CCNYL1: variants seen among roughly 807,000 people sequenced by gnomAD.
CCNYL1 encodes cyclin-Y-like protein 1.
Under a neutral mutation model 44.2 loss-of-function variants are expected in CCNYL1, and 16 were observed. That is an observed-to-expected ratio of 0.36 (90% confidence interval 0.25 to 0.55). The LOEUF (loss-of-function observed/expected upper bound fraction) is 0.55. Ranked by LOEUF, CCNYL1 falls within the 20% of genes least tolerant of loss-of-function variation. CCNYL1 has a pLI of 0.85. For missense variants in CCNYL1, 348 were observed against 451.8 expected, an observed-to-expected ratio of 0.77 and a Z score of 2.08; for synonymous variants, 159 against 163.2, an observed-to-expected ratio of 0.97 and a Z score of 0.20.
In CCNYL1 at chr2:207,729,280, A is replaced by AC. The variant is rs60765823; in HGVS notation, c.330+2411dup. ...CCCCCGCCCCCACCCCACCCCCCCC[A>AC]CCCCCCCGCACTCTCCCATTTTCTA... is the stretch of plus-strand genomic sequence containing the variant. On this transcript the variant is annotated intron_variant, in intron 3 of 9. Transcript: ENST00000295414. Among the ~76,000 whole-genome samples, 120 of 27,342 alleles carry AC rather than the reference A, an allele frequency of 4.4e-3. 5 individuals are homozygous for AC. The highest frequency in any genetic ancestry group is 0.013 in the East Asian group (4 of 304). The allele number at this position is 27,342 out of a possible 152,430, so 17.9% of individuals were successfully genotyped here. A position where few individuals can be genotyped will look rare whatever the true frequency, so the allele number is the denominator to read the frequency against.
intron 1 of CCNYL1, 106 bp downstream of exon 1, chr2:207,712,222 A>G (rs892214461): frequency 1.1e-5 from 10 of 923,200 alleles, no homozygotes; most frequent in Middle Eastern, 3.5e-4. Context: ...TCCTGCCGGT[A>G]GCCGGCCCCG....
chr2:207,741,444 A>G (rs146353634), intron 6 of CCNYL1, among the ~76,000 whole-genome samples: 2 of 152,342 alleles, frequency 1.3e-5, no homozygotes, highest in East Asian at 3.9e-4. Context: ...AATCACTATG[A>G]TATTTTAAGA....
chr2:207,721,647 G>A (rs1012786868), intron 1 of CCNYL1, among the ~76,000 whole-genome samples: 1 of 151,972 alleles, frequency 6.6e-6, no homozygotes, highest in Admixed American at 6.6e-5. Flanking sequence ...AAAACTGGTG[G>A]GTCTTAAAAT....
chr2:207,755,056 C>G lies in CCNYL1; in HGVS notation c.*1358C>G, dbSNP rs553692820. 1.3e-5 allele frequency: 2 copies of G among 151,798 alleles called. No homozygotes were observed. The highest frequency in any genetic ancestry group is 4.2e-4 in the South Asian group (2 of 4,778). The allele number at this position is 151,798 out of a possible 1,614,324, so 9.4% of individuals were successfully genotyped here. A position where few individuals can be genotyped will look rare whatever the true frequency, so the allele number is the denominator to read the frequency against. ...CAACCTGGACAACGTTATCAAGACCCCATCTCTTAGAAAAATGCAAAATTA... is the reference window on the plus strand; with the variant it reads ...CAACCTGGACAACGTTATCAAGACCGCATCTCTTAGAAAAATGCAAAATTA... On this transcript the variant is annotated 3_prime_UTR_variant, in exon 10 of 10. Coordinates refer to ENST00000295414, the MANE Select transcript of CCNYL1 (RefSeq NM_001330218.2).
chr2:207,718,762 A>G (rs938039287), intron 1 of CCNYL1, among the ~76,000 whole-genome samples: 4 of 152,208 alleles, frequency 2.6e-5, no homozygotes, highest in Non-Finnish European at 5.9e-5. Flanking sequence ...CTGAAGAGGA[A>G]TTTGGCATAA....
At chr2:207,712,577 C>G (rs2091559369) in intron 1 of CCNYL1, among the ~76,000 whole-genome samples, 1 of 152,080 alleles carries the variant, frequency 6.6e-6, no homozygotes, top group African/African-American at 2.4e-5. Flanking sequence ...TTCCTCCCAT[C>G]CGTGAAGATA....
intron 3 of CCNYL1, among the ~76,000 whole-genome samples, chr2:207,733,212 T>G (rs2091742614): frequency 6.6e-6 from 1 of 152,258 alleles, no homozygotes; most frequent in Non-Finnish European, 1.5e-5. Flanking sequence ...CCATGATGCC[T>G]GTCAAATAAC....
chr2:207,719,778 G>C (rs1192168449), intron 1 of CCNYL1, among the ~76,000 whole-genome samples: 1 of 152,008 alleles, frequency 6.6e-6, no homozygotes, highest in Non-Finnish European at 1.5e-5. Flanking sequence ...GCCGAGGCTG[G>C]AGTGCAGTGG....
chr2:207,751,628 G>A lies in CCNYL1; in HGVS notation c.969+509G>A, dbSNP rs1262916120. ...CCAGCACTTTGGGAGGCCGAGGAGG[G>A]CAGATCACCTGAGGTTGGGAGTTCA... On this transcript the variant is annotated intron_variant, in intron 9 of 9. Coordinates refer to ENST00000295414, the MANE Select transcript of CCNYL1 (RefSeq NM_001330218.2). Among the ~76,000 whole-genome samples the A allele has an allele frequency of 2.0e-5, 3 of 152,178 alleles. No individual in the cohort carries two copies. The East Asian group carries it at 5.8e-4, about 29-fold the overall frequency.
At chr2:207,735,587 T>C (rs747346667) in intron 4 of CCNYL1, among the ~76,000 whole-genome samples, 4 of 152,168 alleles carry the variant, frequency 2.6e-5, no homozygotes, top group Non-Finnish European at 5.9e-5. Flanking sequence ...ACCCTCAGGC[T>C]GGGCGTGGTG....
chr2:207,742,391 A>T, intron 7 of CCNYL1, 49 bp downstream of exon 7: 2 of 1,559,080 alleles, frequency 1.3e-6, no homozygotes, highest in Non-Finnish European at 1.7e-6. Context: ...AGTCTTGTAC[A>T]CAGGGTATGG....
intron 5 of CCNYL1, among the ~76,000 whole-genome samples, chr2:207,739,920 A>G (rs1425603290): frequency 6.6e-6 from 1 of 152,240 alleles, no homozygotes; most frequent in Non-Finnish European, 1.5e-5. Context: ...ACAGTCAAAA[A>G]GCAAGCAATA....
intron 1 of CCNYL1, among the ~76,000 whole-genome samples, chr2:207,715,430 A>T (rs2105816021): frequency 8.7e-6 from 1 of 114,678 alleles, no homozygotes; most frequent in Non-Finnish European, 1.6e-5. Flanking sequence ...CCTAGGCTGG[A>T]GTGCAATGGC....
intron 1 of CCNYL1, among the ~76,000 whole-genome samples, chr2:207,717,151 G>A (rs533191050): frequency 5.8e-4 from 88 of 151,138 alleles, no homozygotes; most frequent in African/African-American, 2.1e-3. Flanking sequence ...ATTGGAGTTA[G>A]CATTGACTTT....
chr2:207,734,178 A>G (rs2091748346), intron 4 of CCNYL1, 131 bp downstream of exon 4: 3 of 558,510 alleles, frequency 5.4e-6, no homozygotes, highest in Admixed American at 6.4e-5. Flanking sequence ...GGTGTCAACT[A>G]TATATTGATT....
chr2:207,715,290 A>G (rs2091584783), intron 1 of CCNYL1, among the ~76,000 whole-genome samples: 1 of 151,674 alleles, frequency 6.6e-6, no homozygotes, highest in African/African-American at 2.4e-5. Context: ...CAAACAAAAA[A>G]TTTAGCTTTT....
At chr2:207,728,703 A>T (rs752399792) in intron 3 of CCNYL1, among the ~76,000 whole-genome samples, 1 of 152,228 alleles carries the variant, frequency 6.6e-6, no homozygotes, top group Non-Finnish European at 1.5e-5. Context: ...GATACAGTTC[A>T]TGTAACCAGT....
At chr2:207,736,257 CTT>C (rs913125868) in intron 4 of CCNYL1, among the ~76,000 whole-genome samples, 1 of 152,198 alleles carries the variant, frequency 6.6e-6, no homozygotes, top group African/African-American at 2.4e-5. Flanking sequence ...ATGTTACAGA[CTT>C]TTTAAAAAAG....
intron 7 of CCNYL1, among the ~76,000 whole-genome samples, chr2:207,746,168 G>A (rs931778735): frequency 6.6e-5 from 10 of 152,170 alleles, no homozygotes; most frequent in South Asian, 6.2e-4. Flanking sequence ...TGTGTTCCTT[G>A]TGGAGGCACT....
Sources: allele counts gnomAD v4.1 joint callset (sites outside exome capture counted in the v4.1 genomes callset), GRCh38; gene constraint gnomAD v4.1.1; transcripts MANE v1.5; gene names NCBI Gene and HGNC (gene_info 2026-07-23, HGNC 2026-07-21).